Variants in DYDC1 observed in about 807,000 individuals in gnomAD.
DYDC1 encodes the protein DPY30 domain-containing protein 1.
DYDC1 carries 21 observed loss-of-function variants against 27.9 expected under a neutral mutation model. That is an observed-to-expected ratio of 0.75 (90% CI 0.53 to 1.08). DYDC1 has a LOEUF of 1.08. Among genes scored for constraint, DYDC1 ranks in the 50% least tolerant of loss-of-function variants. DYDC1 has a pLI of 0.00. For missense variants in DYDC1, 202 were observed against 205.9 expected (o/e 0.98, Z 0.12); for synonymous variants, 67 against 65.8 (o/e 1.02, Z -0.09).
At chr10:80,338,366 C>G in intron 6 of DYDC1, 101 bp downstream of exon 6, 1 of 1,462,310 alleles carries the variant, frequency 6.8e-7, no homozygotes, top group Non-Finnish European at 9.0e-7. Flanking sequence ...ATTTGCCAAC[C>G]AATCCTGGCC....
chr10:80,342,757 G>A (rs1423807931), intron 3 of DYDC1, among the ~76,000 whole-genome samples: 1 of 152,108 alleles, frequency 6.6e-6, no homozygotes, highest in East Asian at 1.9e-4. Context: ...AAGGTAGGCA[G>A]ATCATCTGAG....
chr10:80,348,886 T>C (rs1321425633), intron 3 of DYDC1, among the ~76,000 whole-genome samples: 1 of 151,934 alleles, frequency 6.6e-6, no homozygotes, highest in African/African-American at 2.4e-5. Context: ...CAGATCAGCA[T>C]TAGCAGATAA....
intron 3 of DYDC1, among the ~76,000 whole-genome samples, chr10:80,347,701 G>A (rs1016100863): frequency 6.6e-6 from 1 of 152,130 alleles, no homozygotes; most frequent in African/African-American, 2.4e-5. Context: ...ACCGTTCATT[G>A]AAGAGACTAT....
intron 3 of DYDC1, among the ~76,000 whole-genome samples, chr10:80,347,901 C>G (rs1842765431): frequency 1.3e-5 from 2 of 152,094 alleles, no homozygotes; most frequent in South Asian, 4.1e-4. Flanking sequence ...GTTCCAACTT[C>G]GTTTTTCTTT....
At position 80,354,129 on chromosome 10, in the gene DYDC1, A is replaced by AAT. The variant is rs1208621866; in HGVS notation, c.-9-1521_-9-1520dup. 5.6e-3 allele frequency among the ~76,000 whole-genome samples: 827 copies of AAT among 147,668 alleles called. 7 individuals are homozygous for AAT. The highest frequency in any genetic ancestry group is 0.014 in the African/African-American group (549 of 40,340). ...AGACTCTGTCTCATATATAAAAAAA[A>AAT]ATATATATATATATATTTTTTCCTG... On this transcript the variant is annotated intron_variant, in intron 1 of 6. Transcript: ENST00000372202.
intron 3 of DYDC1, among the ~76,000 whole-genome samples, chr10:80,342,776 T>A (rs914963404): frequency 2.0e-5 from 3 of 150,646 alleles, no homozygotes; most frequent in Non-Finnish European, 4.4e-5. Flanking sequence ...AGGTCAGGAG[T>A]TTGAGACCAG....
Position 80,342,305 on chromosome 10 carries a change from T to C in DYDC1, c.306A>G (p.Ile102Met), listed in dbSNP as rs1842358273. Residue 102 changes from isoleucine (I) to methionine (M), a missense_variant, in exon 4 of 7, where the codon ATA (isoleucine) becomes ATG (methionine). Transcript: ENST00000372202. The part of the protein sequence containing the change: ...LEMQEKERQR[I>M]QELQRAQEQL... ...GTTCTTGAGCTCTCTGTAGTTCTTG[T>C]ATTCTCTGCCTCTCCTTTTCTTGCA... 1.2e-6 allele frequency: 2 copies of C among 1,614,010 alleles called. No homozygotes were observed. Among genetic ancestry groups the C allele is most frequent in the Non-Finnish European group, 1.7e-6 (2 of 1,180,006 alleles).
At chr10:80,337,165 A>G in intron 6 of DYDC1, 1 of 985,416 alleles carries the variant, frequency 1.0e-6, no homozygotes, top group Non-Finnish European at 1.2e-6. Context: ...TCTCAGGCTA[A>G]TTCCTTGAAC....
At chr10:80,356,318 AG>A in intron 1 of DYDC1, 1 of 985,616 alleles carries the variant, frequency 1.0e-6, no homozygotes, top group Non-Finnish European at 1.2e-6. Flanking sequence ...TCCAGCGTGA[AG>A]AAGGTGCCAC....
rs1408913586 is a variant in DYDC1, at chr10:80,356,177, C to T, written c.-10+535G>A. 1.1e-5 allele frequency: 10 copies of T among 920,718 alleles called. No homozygotes were observed. In the African/African-American group the frequency reaches 1.8e-4, roughly 16 times the overall value. 57.0% of individuals were successfully genotyped at this position (920,718 alleles called of 1,614,324 possible). A position where few individuals can be genotyped will look rare whatever the true frequency, so the allele number is the denominator to read the frequency against. On this transcript the variant is annotated intron_variant, in intron 1 of 6. Transcript: ENST00000372202. ...GACCCAGGCAAGGCCTGCCAACTCCCTTAGCATGTTCCTGTCTGTGAAACG... is the reference window on the plus strand; with the variant it reads ...GACCCAGGCAAGGCCTGCCAACTCCTTTAGCATGTTCCTGTCTGTGAAACG...
chr10:80,354,008 T>C (rs541684968), intron 1 of DYDC1, among the ~76,000 whole-genome samples: 24 of 151,624 alleles, frequency 1.6e-4, no homozygotes, highest in South Asian at 4.2e-4. Context: ...CCCAGCTACT[T>C]GGGAGGCTGA....
intron 3 of DYDC1, among the ~76,000 whole-genome samples, chr10:80,342,706 T>A (rs1390725358): frequency 6.6e-6 from 1 of 152,122 alleles, no homozygotes; most frequent in Non-Finnish European, 1.5e-5. Context: ...CAGAATATCA[T>A]CTGATGGCTC....
chr10:80,342,024 CAA>C (rs60594545), intron 4 of DYDC1, among the ~76,000 whole-genome samples: 76,627 of 108,600 alleles, frequency 0.71, 24,711 homozygotes, highest in East Asian at 0.91. Context: ...GACTCCGTCT[CAA>C]AAAAAAAAAA....
At chr10:80,347,766 T>C (rs1379593403) in intron 3 of DYDC1, among the ~76,000 whole-genome samples, 1 of 152,220 alleles carries the variant, frequency 6.6e-6, no homozygotes, top group African/African-American at 2.4e-5. Context: ...TGACCGTATA[T>C]ACTTGGGCTT....
intron 3 of DYDC1, among the ~76,000 whole-genome samples, chr10:80,346,970 C>T (rs913095030): frequency 2.0e-5 from 3 of 151,842 alleles, no homozygotes; most frequent in Admixed American, 6.5e-5. Flanking sequence ...ATCCCAGCTA[C>T]TCAGGAGGCT....
intron 4 of DYDC1, among the ~76,000 whole-genome samples, chr10:80,339,374 TA>T (rs1842241080): frequency 6.6e-6 from 1 of 152,134 alleles, no homozygotes; most frequent in Non-Finnish European, 1.5e-5. Flanking sequence ...TATATATAAT[TA>T]AATAAAAGTT....
At chr10:80,336,482 GC>G in intron 6 of DYDC1, 1 of 389,244 alleles carries the variant, frequency 2.6e-6, no homozygotes, top group Non-Finnish European at 3.5e-6. Flanking sequence ...TCCTCCCTGA[GC>G]CCCCAGGCCT....
At chr10:80,355,241 A>G (rs1191684211) in intron 1 of DYDC1, among the ~76,000 whole-genome samples, 2 of 151,910 alleles carry the variant, frequency 1.3e-5, no homozygotes, top group African/African-American at 4.8e-5. Context: ...AAATGCATCT[A>G]GCATTTTGCA....
intron 4 of DYDC1, among the ~76,000 whole-genome samples, chr10:80,340,509 T>G (rs1842284118): frequency 6.6e-6 from 1 of 152,154 alleles, no homozygotes; most frequent in African/African-American, 2.4e-5. Context: ...ATAACATGAG[T>G]GTGGCTCTCT....
Sources: gnomAD v4.1 joint callset for allele counts (sites outside exome capture counted in the v4.1 genomes callset) on GRCh38, gnomAD v4.1.1 for gene constraint, MANE v1.5 for transcripts, NCBI Gene and HGNC (gene_info 2026-07-23, HGNC 2026-07-21) for gene names.